ITCH: variants seen among roughly 807,000 people sequenced by gnomAD.
ITCH encodes E3 ubiquitin-protein ligase Itchy homolog.
ITCH carries 28 observed loss-of-function variants against 126.8 expected under a neutral mutation model. The observed-to-expected ratio is 0.22, with a 90% CI of 0.16 to 0.30. ITCH has a LOEUF of 0.30. ITCH is among the 10% of genes least tolerant of loss of function. The pLI is 1.00. For synonymous variants in ITCH, 342 were observed against 340.0 expected (o/e 1.01, Z -0.06); for missense variants, 631 against 1,032.4 (o/e 0.61, Z 5.33).
At chr20:34,475,330 C>T (rs1988092845) in intron 16 of ITCH, among the ~76,000 whole-genome samples, 1 of 152,128 alleles carries the variant, frequency 6.6e-6, no homozygotes, top group African/African-American at 2.4e-5. Flanking sequence ...TTGTAGCTAG[C>T]CGAGATCACG....
chr20:34,403,409 A>T (rs2038952630), intron 3 of ITCH, among the ~76,000 whole-genome samples: 1 of 152,164 alleles, frequency 6.6e-6, no homozygotes, highest in African/African-American at 2.4e-5. Context: ...TGTGTGAGAG[A>T]GAGAGAGCAC....
intron 20 of ITCH, among the ~76,000 whole-genome samples, chr20:34,488,120 C>T (rs769519096): frequency 6.6e-6 from 1 of 150,776 alleles, no homozygotes. Context: ...ATTACTATTT[C>T]TGGTTCTCCT....
chr20:34,387,197 G>C (rs2038314240), intron 2 of ITCH, among the ~76,000 whole-genome samples: 1 of 151,996 alleles, frequency 6.6e-6, no homozygotes, highest in Non-Finnish European at 1.5e-5. Context: ...CAGCTACTAG[G>C]GAGGCTGAGG....
intron 6 of ITCH, among the ~76,000 whole-genome samples, chr20:34,415,519 TG>T (rs1979706584): frequency 6.6e-6 from 1 of 152,112 alleles, no homozygotes. Flanking sequence ...ATCACACCAC[TG>T]CACTTCCAGC....
Position 34,507,799 on chromosome 20 carries a change from T to C in ITCH, c.*5T>C, listed in dbSNP as rs368637997. The C allele has an allele frequency of 3.1e-6, 5 of 1,606,854 alleles. No individual in the cohort carries two copies. The highest frequency in any genetic ancestry group is 4.3e-6 in the Non-Finnish European group (5 of 1,173,596). On this transcript the variant is annotated 3_prime_UTR_variant, in exon 25 of 25. Coordinates refer to ENST00000374864, the MANE Select transcript of ITCH (RefSeq NM_031483.7). The stretch of plus-strand genomic sequence containing the variant: ...GAAGGATTTGGACAAGAGTAACTTC[T>C]GAGAACTTGCACCATGAATGGGCAA...
intron 6 of ITCH, among the ~76,000 whole-genome samples, chr20:34,418,358 A>T (rs1346713509): frequency 6.6e-6 from 1 of 152,140 alleles, no homozygotes; most frequent in East Asian, 1.9e-4. Context: ...AAATTAATTT[A>T]GGGAGAGTTT....
chr20:34,396,992 C>CT (rs1341532445), intron 3 of ITCH, among the ~76,000 whole-genome samples: 2 of 152,060 alleles, frequency 1.3e-5, no homozygotes, highest in Non-Finnish European at 2.9e-5. Flanking sequence ...CCTTCACCCT[C>CT]TGTCTACATA....
intron 12 of ITCH, among the ~76,000 whole-genome samples, chr20:34,453,002 A>G (rs1985443622): frequency 6.6e-6 from 1 of 152,228 alleles, no homozygotes; most frequent in African/African-American, 2.4e-5. Context: ...AATACATAGA[A>G]TGACAAGAAG....
At chr20:34,504,932 G>A (rs74980591) in intron 24 of ITCH, among the ~76,000 whole-genome samples, 40 of 151,880 alleles carry the variant, frequency 2.6e-4, no homozygotes, top group Non-Finnish European at 1.8e-4. Context: ...ATAATGTTTT[G>A]TACATGCATG....
At chr20:34,374,381 C>T (rs1339731129) in intron 2 of ITCH, among the ~76,000 whole-genome samples, 1 of 152,184 alleles carries the variant, frequency 6.6e-6, no homozygotes, top group Non-Finnish European at 1.5e-5. Flanking sequence ...TCTTGGCCAA[C>T]TTGCCTAACT....
At chr20:34,463,286 C>T (rs1986716335) in intron 14 of ITCH, among the ~76,000 whole-genome samples, 2 of 152,168 alleles carry the variant, frequency 1.3e-5, no homozygotes, top group Admixed American at 1.3e-4. Context: ...TCGCTTGAAC[C>T]CAGGAGGCAG....
rs569055175 is a variant in ITCH, at chr20:34,364,446, A to G, written c.-99+1097A>G. Among the ~76,000 whole-genome samples, 4 of 152,254 alleles carry G rather than the reference A, an allele frequency of 2.6e-5. No individual in the cohort carries two copies. In the South Asian group the frequency reaches 8.3e-4, roughly 32 times the overall value. Reference sequence around the variant, plus strand: ...TGATAGAATTCGATCTTCAGGAAGTATGTAAAGGCAGTGTATTTCCATTCT... The same window carrying G: ...TGATAGAATTCGATCTTCAGGAAGTGTGTAAAGGCAGTGTATTTCCATTCT... On this transcript the variant is annotated intron_variant, in intron 1 of 24. Coordinates refer to ENST00000374864, the MANE Select transcript of ITCH (RefSeq NM_031483.7).
Position 34,471,531 on chromosome 20 carries a change from C to A in ITCH, c.1569+16C>A. On this transcript the variant is annotated intron_variant, in intron 16 of 24. Transcript: ENST00000374864. ...CTTTCAACAGGTACTGTTTCATTCTCTCAATAATTTCCCCCCTGGCTGCTA... is the reference window on the plus strand; with the variant it reads ...CTTTCAACAGGTACTGTTTCATTCTATCAATAATTTCCCCCCTGGCTGCTA... The A allele has an allele frequency of 6.7e-7, 1 of 1,502,848 alleles. No homozygotes were observed. Among genetic ancestry groups the A allele is most frequent in the Non-Finnish European group, 9.3e-7 (1 of 1,078,586 alleles). 93.1% of individuals were successfully genotyped at this position (1,502,848 alleles called of 1,614,324 possible). A position where few individuals can be genotyped will look rare whatever the true frequency, so the allele number is the denominator to read the frequency against.
At chr20:34,485,085 T>G (rs571618746) in intron 20 of ITCH, among the ~76,000 whole-genome samples, 3 of 152,302 alleles carry the variant, frequency 2.0e-5, no homozygotes, top group South Asian at 4.1e-4. Context: ...TTCTTTTATT[T>G]GGTGTTTGTG....
chr20:34,377,860 G>GC (rs2037905547), intron 2 of ITCH, among the ~76,000 whole-genome samples: 1 of 148,958 alleles, frequency 6.7e-6, no homozygotes, highest in Non-Finnish European at 1.5e-5. Context: ...AACAGAGTGA[G>GC]ACCCTGTCTC....
At chr20:34,439,099 G>T (rs1983407314) in intron 8 of ITCH, among the ~76,000 whole-genome samples, 1 of 152,122 alleles carries the variant, frequency 6.6e-6, no homozygotes, top group Non-Finnish European at 1.5e-5. Flanking sequence ...ACACCTATAA[G>T]ACTATCCACT....
intron 3 of ITCH, 94 bp downstream of exon 3, chr20:34,393,975 T>A (rs779605841): frequency 2.3e-4 from 277 of 1,180,124 alleles, no homozygotes; most frequent in Non-Finnish European, 3.2e-4. Context: ...CCCATGCCTG[T>A]AATCCCAGCA....
chr20:34,476,826 TAA>T (rs1988276558), intron 16 of ITCH: 1 of 155,640 alleles, frequency 6.4e-6, no homozygotes, highest in Admixed American at 6.5e-5. Context: ...TATTTTTTTG[TAA>T]GAGTAATTGA....
chr20:34,488,306 A>G (rs1045225643), intron 20 of ITCH, among the ~76,000 whole-genome samples: 10 of 152,080 alleles, frequency 6.6e-5, no homozygotes, highest in Non-Finnish European at 2.9e-5. Flanking sequence ...GGATATTGTC[A>G]CTAGATTTAG....
Sources: gnomAD v4.1 joint callset for allele counts (sites outside exome capture counted in the v4.1 genomes callset) on GRCh38, gnomAD v4.1.1 for gene constraint, MANE v1.5 for transcripts, NCBI Gene and HGNC (gene_info 2026-07-23, HGNC 2026-07-21) for gene names.